Variants in CDC14B observed in about 807,000 individuals in gnomAD.
CDC14B encodes dual specificity protein phosphatase CDC14B.
In CDC14B, 22 loss-of-function variants were observed where a neutral mutation model predicts 64.2. The ratio of observed to expected loss-of-function variants is 0.34; its 90% CI spans 0.24 to 0.49. The LOEUF is 0.49. Ranked by LOEUF, CDC14B falls within the 20% of genes least tolerant of loss-of-function variation. The pLI is 0.99. For synonymous variants in CDC14B, 191 were observed against 215.8 expected (o/e 0.89, Z 1.01); for missense variants, 498 against 629.9 (o/e 0.79, Z 2.24).
chr9:96,551,783 T>C lies in CDC14B; in HGVS notation c.497+13A>G. The C allele has an allele frequency of 6.2e-7, 1 of 1,605,660 alleles. No homozygotes were observed. Among genetic ancestry groups the C allele is most frequent in the Non-Finnish European group, 8.5e-7 (1 of 1,176,562 alleles). On this transcript the variant is annotated intron_variant, in intron 5 of 13. Transcript: ENST00000375241. ...CTGATTACCTGAATCTACCACATCA[T>C]TCTTATATTTACCTGAAAGGAATAT...
In CDC14B at chr9:96,571,179, AT is replaced by A. The variant is rs60431469; in HGVS notation, c.161-5697del. On this transcript the variant is annotated intron_variant, in intron 1 of 13. Coordinates refer to ENST00000375241, the MANE Select transcript of CDC14B (RefSeq NM_033331.4). ...ACTATAAAATTATAACGAAAAAAAAATTTTTTTTTTTTTTTGAGACGGAGTC... is the reference window on the plus strand; with the variant it reads ...ACTATAAAATTATAACGAAAAAAAAATTTTTTTTTTTTTTGAGACGGAGTC... 2.3e-3 allele frequency among the ~76,000 whole-genome samples: 336 copies of A among 146,130 alleles called. 1 individual carries two copies. Among genetic ancestry groups the A allele is most frequent in the Middle Eastern group, 0.011 (3 of 282 alleles).
chr9:96,566,866 CG>C, intron 1 of CDC14B: 1 of 1,578,556 alleles, frequency 6.3e-7, no homozygotes, highest in Non-Finnish European at 8.6e-7. Flanking sequence ...TGCCAGCCGC[CG>C]AGAGGGGAGG....
chr9:96,499,498 GGATCC>G (rs745535140), downstream of CDC14B, among the ~76,000 whole-genome samples: 5 of 152,226 alleles, frequency 3.3e-5, no homozygotes, highest in Non-Finnish European at 4.4e-5. Context: ...ATGCCCTGCA[GGATCC>G]CAAGAGCCTG....
chr9:96,603,199 C>A (rs1846626557), intron 1 of CDC14B, among the ~76,000 whole-genome samples: 1 of 145,802 alleles, frequency 6.9e-6, no homozygotes, highest in Non-Finnish European at 1.5e-5. Flanking sequence ...CACAAATACA[C>A]AAAACATCTC....
intron 9 of CDC14B, among the ~76,000 whole-genome samples, chr9:96,527,530 G>A (rs556376953): frequency 5.3e-4 from 80 of 152,282 alleles, no homozygotes; most frequent in African/African-American, 1.9e-3. Context: ...TCACATTGTT[G>A]TACAAACATT....
At chr9:96,588,707 G>A (rs950097896) in intron 1 of CDC14B, among the ~76,000 whole-genome samples, 43 of 151,980 alleles carry the variant, frequency 2.8e-4, no homozygotes, top group African/African-American at 1.0e-3. Flanking sequence ...GACTGGTCTT[G>A]GACTCCTGGG....
At chr9:96,496,804 C>T (rs1001132568), downstream of CDC14B, among the ~76,000 whole-genome samples, 1 of 152,212 alleles carries the variant, frequency 6.6e-6, no homozygotes, top group African/African-American at 2.4e-5. Flanking sequence ...CTCTGCCCGC[C>T]GGCCCGAGAG....
At chr9:96,587,819 C>T (rs1845545721) in intron 1 of CDC14B, among the ~76,000 whole-genome samples, 1 of 152,040 alleles carries the variant, frequency 6.6e-6, no homozygotes, top group African/African-American at 2.4e-5. Flanking sequence ...TACGAAGGAG[C>T]ACATATATCA....
At chr9:96,504,382 T>C (rs1833850750) in intron 13 of CDC14B, among the ~76,000 whole-genome samples, 1 of 151,960 alleles carries the variant, frequency 6.6e-6, no homozygotes. Context: ...TTCAGGTCAG[T>C]AACAACTTTC....
chr9:96,570,930 A>G (rs2117997516), intron 1 of CDC14B, among the ~76,000 whole-genome samples: 1 of 152,338 alleles, frequency 6.6e-6, no homozygotes, highest in East Asian at 1.9e-4. Context: ...TTGCCCAAAT[A>G]TAAATCAACA....
chr9:96,524,269 T>C (rs1225160274), intron 9 of CDC14B, among the ~76,000 whole-genome samples: 5 of 152,246 alleles, frequency 3.3e-5, no homozygotes, highest in Non-Finnish European at 7.3e-5. Flanking sequence ...TTAACTGGTA[T>C]GCAGCATAGC....
At chr9:96,514,621 A>G (rs1835364826) in intron 12 of CDC14B, 1 of 985,324 alleles carries the variant, frequency 1.0e-6, no homozygotes, top group African/African-American at 1.7e-5. Flanking sequence ...TTTTCTTTGG[A>G]AGAGATCTTG....
intron 9 of CDC14B, among the ~76,000 whole-genome samples, chr9:96,529,180 CCT>C (rs1268955809): frequency 1.3e-5 from 2 of 152,040 alleles, no homozygotes; most frequent in Admixed American, 6.6e-5. Flanking sequence ...AAGTTTTCAC[CCT>C]CTGTTTTCCT....
chr9:96,585,564 A>G (rs1485989952), intron 1 of CDC14B, among the ~76,000 whole-genome samples: 2 of 152,232 alleles, frequency 1.3e-5, no homozygotes, highest in Admixed American at 6.5e-5. Flanking sequence ...TAAAACCACA[A>G]TGAAATACCA....
chr9:96,537,574 G>A (rs1839457131), intron 7 of CDC14B, among the ~76,000 whole-genome samples: 1 of 152,184 alleles, frequency 6.6e-6, no homozygotes, highest in Non-Finnish European at 1.5e-5. Context: ...GGTCAAAGTT[G>A]CTGGTGGCCA....
intron 1 of CDC14B, among the ~76,000 whole-genome samples, chr9:96,590,430 G>C (rs892851757): frequency 6.6e-6 from 1 of 152,072 alleles, no homozygotes; most frequent in Non-Finnish European, 1.5e-5. Context: ...CTTGGCTCTT[G>C]TGAAAAATGC....
chr9:96,576,303 A>C (rs1421356600), intron 1 of CDC14B, among the ~76,000 whole-genome samples: 2 of 151,588 alleles, frequency 1.3e-5, no homozygotes, highest in African/African-American at 4.8e-5. Context: ...TTCACAATAA[A>C]AAGCAATTAA....
intron 4 of CDC14B, among the ~76,000 whole-genome samples, chr9:96,557,000 CCCAAAATT>C (rs996734067): frequency 3.3e-5 from 5 of 152,170 alleles, no homozygotes; most frequent in Non-Finnish European, 5.9e-5. Context: ...AAGGATGGGA[CCCAAAATT>C]CCAGAAAGCT....
intron 1 of CDC14B, among the ~76,000 whole-genome samples, chr9:96,604,945 C>G (rs775184276): frequency 6.6e-6 from 1 of 152,112 alleles, no homozygotes; most frequent in African/African-American, 2.4e-5. Context: ...GCTGGGATTA[C>G]AGGTGTGAGC....
Sources: gnomAD v4.1 joint callset for allele counts (sites outside exome capture counted in the v4.1 genomes callset) on GRCh38, gnomAD v4.1.1 for gene constraint, MANE v1.5 for transcripts, NCBI Gene and HGNC (gene_info 2026-07-23, HGNC 2026-07-21) for gene names.